The following DCHS2 variants were observed in gnomAD, a reference collection of about 807,000 sequenced individuals.
DCHS2 encodes dachsous cadherin-related 2, also known as protocadherin-23.
Under a neutral mutation model 182.4 loss-of-function variants are expected in DCHS2, and 142 were observed. The observed-to-expected ratio is 0.78, with a 90% CI of 0.68 to 0.89. The LOEUF (loss-of-function observed/expected upper bound fraction) is 0.89, where lower values mean the gene tolerates loss of function less well. Among genes scored for constraint, DCHS2 ranks in the 40% least tolerant of loss-of-function variants. DCHS2 has a pLI of 0.00. For missense variants in DCHS2, 4,319 were observed against 4,198.6 expected (o/e 1.03, Z -0.79); for synonymous variants, 1,740 against 1,663.3 (o/e 1.05, Z -1.12).
chr4:154,373,189 G>A (rs762868546), intron 2 of DCHS2, among the ~76,000 whole-genome samples: 2 of 152,258 alleles, frequency 1.3e-5, no homozygotes, highest in Admixed American at 6.5e-5. Flanking sequence ...TGCAGTCTAC[G>A]TTGCTTTCAG....
At position 154,277,526 on chromosome 4, in the gene DCHS2, C is replaced by T. The variant is rs535451570; in HGVS notation, c.6464-7513G>A. Among the ~76,000 whole-genome samples, 139 of 151,928 alleles carry T rather than the reference C, an allele frequency of 9.1e-4. 1 individual carries two copies. The highest frequency in any genetic ancestry group is 8.5e-3 in the South Asian group (41 of 4,796). ...ATCCCCAGAAAACCTTTAGGAGGCC[C>T]CCAGAATCTGTAGCCAGGCTGATTG... On this transcript the variant is annotated intron_variant, in intron 13 of 19. Transcript: ENST00000357232.
chr4:154,304,601 C>T, intron 12 of DCHS2, 68 bp downstream of exon 12: 1 of 1,487,010 alleles, frequency 6.7e-7, no homozygotes. Context: ...TGCACTCCAG[C>T]CTGGGTGACA....
chr4:154,270,884 A>G (rs1733558064), intron 13 of DCHS2, among the ~76,000 whole-genome samples: 1 of 152,228 alleles, frequency 6.6e-6, no homozygotes, highest in Middle Eastern at 3.4e-3. Context: ...TGTAGGAAAA[A>G]GCAACCCAAC....
chr4:154,312,441 T>C (rs189700989), intron 10 of DCHS2, among the ~76,000 whole-genome samples: 1 of 152,250 alleles, frequency 6.6e-6, no homozygotes, highest in East Asian at 1.9e-4. Flanking sequence ...CCCTATACTT[T>C]GGGAGGTGGA....
chr4:154,355,624 C>T (rs1337811243), intron 3 of DCHS2: 1 of 152,218 alleles, frequency 6.6e-6, no homozygotes, highest in Non-Finnish European at 1.5e-5. Context: ...CAAGAACCCT[C>T]TCTTGGGGTC....
chr4:154,336,722 CT>C (rs1274215832), intron 3 of DCHS2, among the ~76,000 whole-genome samples: 3 of 152,144 alleles, frequency 2.0e-5, no homozygotes, highest in South Asian at 2.1e-4. Context: ...ACTCATTTTC[CT>C]TTTTTCCCCA....
chr4:154,328,212 C>A lies in DCHS2; in HGVS notation c.3919-20G>T. 6.3e-7 allele frequency: 1 copy of A among 1,584,376 alleles called. No individual in the cohort carries two copies. Among genetic ancestry groups the A allele is most frequent in the South Asian group, 1.2e-5 (1 of 86,582 alleles). On this transcript the variant is annotated intron_variant, in intron 6 of 19. Transcript: ENST00000357232. ...CAGAACCTGCCATTAAAACAAACAG[C>A]TTACAAATGAGTCAGCAAAAGTTTA... is the stretch of plus-strand genomic sequence containing the variant.
intron 10 of DCHS2, among the ~76,000 whole-genome samples, chr4:154,311,143 G>C (rs1409966684): frequency 6.6e-6 from 1 of 152,180 alleles, no homozygotes; most frequent in Non-Finnish European, 1.5e-5. Flanking sequence ...AGCTAAAAGG[G>C]ATAAAATTTT....
intron 3 of DCHS2, among the ~76,000 whole-genome samples, chr4:154,342,692 C>A (rs1304807999): frequency 6.6e-6 from 1 of 152,190 alleles, no homozygotes; most frequent in East Asian, 1.9e-4. Context: ...TCAGGCTCCA[C>A]TTCTAATTCT....
intron 1 of DCHS2, among the ~76,000 whole-genome samples, chr4:154,483,976 C>A (rs904746675): frequency 1.3e-5 from 2 of 152,170 alleles, no homozygotes; most frequent in African/African-American, 4.8e-5. Context: ...CTCTAAATAG[C>A]CTTCAAGATG....
chr4:154,238,115 T>C (rs777331408), intron 19 of DCHS2, among the ~76,000 whole-genome samples: 6 of 124,498 alleles, frequency 4.8e-5, no homozygotes, highest in Non-Finnish European at 6.3e-5. Context: ...GTTGCCATCA[T>C]CTGAGACTAC....
At chr4:154,303,484 C>CAAAAAAA (rs35984605) in intron 12 of DCHS2, among the ~76,000 whole-genome samples, 1 of 84,410 alleles carries the variant, frequency 1.2e-5, no homozygotes, top group African/African-American at 4.1e-5. Context: ...GTAAGTGAAG[C>CAAAAAAA]AAAAAAAAAA....
chr4:154,291,045 A>G (rs990357342), intron 13 of DCHS2, among the ~76,000 whole-genome samples: 1 of 152,182 alleles, frequency 6.6e-6, no homozygotes, highest in Non-Finnish European at 1.5e-5. Flanking sequence ...CTATCTGACA[A>G]GGGATTCATA....
intron 10 of DCHS2, among the ~76,000 whole-genome samples, chr4:154,305,819 C>G (rs1051970863): frequency 6.6e-6 from 1 of 152,162 alleles, no homozygotes; most frequent in Non-Finnish European, 1.5e-5. Flanking sequence ...GGTTTCATTT[C>G]TCCCCTGAGA....
rs112218489 is a variant in DCHS2 at position 154,346,119 on chromosome 4, T to A, written c.2477-11015A>T. ...CCACCATTATGACTTTATCTAAACA[T>A]AATTAGCTCCCAAAGACCCTTTCTC... On this transcript the variant is annotated intron_variant, in intron 3 of 19. Transcript: ENST00000357232. Among the ~76,000 whole-genome samples the A allele has an allele frequency of 5.1e-3, 784 of 152,300 alleles. 5 individuals are homozygous for A. The highest frequency in any genetic ancestry group is 8.4e-3 in the Non-Finnish European group (573 of 68,024).
chr4:154,449,355 A>C (rs555577760), intron 1 of DCHS2, among the ~76,000 whole-genome samples: 2 of 152,172 alleles, frequency 1.3e-5, no homozygotes, highest in Admixed American at 1.3e-4. Flanking sequence ...AGTAAAAAAA[A>C]TGAGTAAATA....
In DCHS2 at chr4:154,334,945, G is replaced by A. The variant is rs1728721902; in HGVS notation, c.2636C>T (p.Pro879Leu). Residue 879 changes from proline to leucine, a missense_variant, in exon 4 of 20, where the codon CCT (proline) becomes CTT (leucine). Transcript: ENST00000357232. ...TTLAPAEFER[P>L]KYTFLVYEDV... ...TTCATAAACTAAGAAAGTGTACTTA[G>A]GCCTTTCAAACTCAGCAGGTGCCAG... The A allele has an allele frequency of 1.9e-6, 3 of 1,614,154 alleles. No individual in the cohort carries two copies. The highest frequency in any genetic ancestry group is 2.5e-6 in the Non-Finnish European group (3 of 1,180,018).
chr4:154,286,620 A>G (rs1258145512), intron 13 of DCHS2, among the ~76,000 whole-genome samples: 3 of 151,962 alleles, frequency 2.0e-5, no homozygotes, highest in Admixed American at 6.6e-5. Flanking sequence ...CAGAAGAAAG[A>G]ATTAGTGAGC....
intron 3 of DCHS2, chr4:154,357,471 A>G (rs991187379): frequency 1.8e-5 from 11 of 612,718 alleles, no homozygotes; most frequent in Non-Finnish European, 2.9e-5. Flanking sequence ...CCCAGCTATC[A>G]CCAGACCCTT....
Sources: allele counts gnomAD v4.1 joint callset (sites outside exome capture counted in the v4.1 genomes callset), GRCh38; gene constraint gnomAD v4.1.1; transcripts MANE v1.5; gene names NCBI Gene and HGNC (gene_info 2026-07-23, HGNC 2026-07-21).